Variants in ITSN2 observed in about 807,000 individuals in gnomAD.
ITSN2 encodes intersectin 2.
In ITSN2, 156 loss-of-function variants were observed where a neutral mutation model predicts 243.7. The ratio of observed to expected loss-of-function variants is 0.64; its 90% CI spans 0.56 to 0.73. The LOEUF (loss-of-function observed/expected upper bound fraction) is 0.73. Ranked by LOEUF, ITSN2 falls within the 30% of genes least tolerant of loss-of-function variation. ITSN2 has a pLI of 0.00. For synonymous variants in ITSN2, 703 were observed against 699.9 expected, an observed-to-expected ratio of 1.00 and a Z score of -0.07; for missense variants, 1,801 against 1,996.1, an observed-to-expected ratio of 0.90 and a Z score of 1.86.
chr2:24,208,269 G>C lies in ITSN2; in HGVS notation c.4646C>G (p.Thr1549Ser). ...AGCTTTCTCACGCTTCTTCTTCTCG[G>C]TGTCGATGTACTGCTCAGACGCCGC... The part of the protein sequence containing the change: ...IKAASEQYID[T>S]EKKKREKAYQ... The change falls in exon 37 of 40, where the codon ACC becomes AGC. Residue 1549 changes from threonine (T) to serine (S), a missense_variant. Physicochemically the swap from Thr to Ser is moderately conservative, Grantham distance 58. Transcript: ENST00000355123. 6.2e-7 allele frequency: 1 copy of C among 1,612,480 alleles called. No individual in the cohort carries two copies. The highest frequency in any genetic ancestry group is 8.5e-7 in the Non-Finnish European group (1 of 1,179,892).
At chr2:24,315,441 C>T (rs1224516521) in intron 2 of ITSN2, among the ~76,000 whole-genome samples, 2 of 152,182 alleles carry the variant, frequency 1.3e-5, no homozygotes, top group African/African-American at 2.4e-5. Flanking sequence ...CTATATCACA[C>T]TCACTGGAAA....
Position 24,284,842 on chromosome 2 carries a change from C to T in ITSN2, c.1865G>A (p.Cys622Tyr), listed in dbSNP as rs1446402051. 1 of 1,579,512 alleles carries T rather than the reference C, an allele frequency of 6.3e-7. No homozygotes were observed. The highest frequency in any genetic ancestry group is 1.4e-5 in the African/African-American group (1 of 73,944). ...EMDSFNNQLK[C>Y]GNMDDSVLQC... ...AAGAACAGAGTCATCCATATTCCCA[C>T]ACTGTAAGATAAGGCAGATAAAAAG... Residue 622 changes from cysteine (C) to tyrosine (Y), a missense_variant and splice_region_variant, in exon 17 of 40, where the codon TGT becomes TAT. Physicochemically the swap from Cys to Tyr is radical, Grantham distance 194. This residue lies in a region of ITSN2 where 787 missense variants were observed against 803.9 expected (regional missense o/e 0.98). Coordinates refer to ENST00000355123, the MANE Select transcript of ITSN2 (RefSeq NM_006277.3).
At chr2:24,214,673 T>A (rs1233199454) in intron 32 of ITSN2, among the ~76,000 whole-genome samples, 1 of 152,186 alleles carries the variant, frequency 6.6e-6, no homozygotes, top group African/African-American at 2.4e-5. Flanking sequence ...CAGTTACATT[T>A]TATTACCTCT....
intron 29 of ITSN2, among the ~76,000 whole-genome samples, chr2:24,223,606 A>T (rs1670681647): frequency 6.7e-6 from 1 of 150,084 alleles, no homozygotes. Context: ...GGACTGCTTG[A>T]GTCTGAGAGT....
intron 2 of ITSN2, among the ~76,000 whole-genome samples, chr2:24,320,382 G>A (rs1178225913): frequency 2.6e-4 from 39 of 150,862 alleles, no homozygotes; most frequent in Non-Finnish European, 4.9e-4. Context: ...AGCCGGGCGC[G>A]GTGGCGGGCG....
rs1286895631 is a variant in ITSN2 at position 24,204,735 on chromosome 2, C to T, written c.4763-317G>A. 1.9e-6 allele frequency: 1 copy of T among 528,676 alleles called. No individual in the cohort carries two copies. Among genetic ancestry groups the T allele is most frequent in the South Asian group, 1.5e-5 (1 of 65,218 alleles). The allele number at this position is 528,676 out of a possible 1,614,324, so 32.7% of individuals were successfully genotyped here. A position where few individuals can be genotyped will look rare whatever the true frequency, so the allele number is the denominator to read the frequency against. Reference sequence around the variant, plus strand: ...GCAGACACACTCGGGAAGGCGGGCACTGGCACTTACTGGGAAAACAGTGAT... The same window carrying T: ...GCAGACACACTCGGGAAGGCGGGCATTGGCACTTACTGGGAAAACAGTGAT... On this transcript the variant is annotated intron_variant, in intron 38 of 39. Coordinates refer to ENST00000355123, the MANE Select transcript of ITSN2 (RefSeq NM_006277.3). This position sits in a 1 kb window ranked among gnomAD's most constrained non-coding sequence, Gnocchi z 5.1.
At chr2:24,228,433 G>A (rs905850712) in intron 29 of ITSN2, among the ~76,000 whole-genome samples, 2 of 152,200 alleles carry the variant, frequency 1.3e-5, no homozygotes, top group African/African-American at 4.8e-5. Flanking sequence ...AAATGTGTAA[G>A]AAATCAAAAT....
intron 1 of ITSN2, among the ~76,000 whole-genome samples, chr2:24,355,921 G>T (rs897239641): frequency 1.1e-4 from 16 of 151,922 alleles, no homozygotes; most frequent in African/African-American, 3.9e-4. Context: ...ATTACAAAAA[G>T]GCCAGGCATA....
intron 1 of ITSN2, among the ~76,000 whole-genome samples, chr2:24,348,341 AT>A (rs1395462539): frequency 1.3e-5 from 2 of 151,706 alleles, no homozygotes; most frequent in Non-Finnish European, 2.9e-5. Context: ...TGCCCAACTA[AT>A]TTTTTGTACT....
intron 34 of ITSN2, 87 bp downstream of exon 34, chr2:24,210,693 C>G: frequency 1.5e-6 from 2 of 1,294,494 alleles, no homozygotes; most frequent in South Asian, 2.7e-5. Context: ...GCCTAAGGTG[C>G]AGACTGTCCA....
In ITSN2 at chr2:24,210,958, G is replaced by A. The variant is rs758802831; in HGVS notation, c.4090-11C>T. On this transcript the variant is annotated splice_polypyrimidine_tract_variant and intron_variant, in intron 33 of 39. Coordinates refer to ENST00000355123, the MANE Select transcript of ITSN2 (RefSeq NM_006277.3). ...GGTGTTCTCCAGAATCTGGAAAAGAGTGGGCAGTGTCACATGGGGGAGCTG... is the reference window on the plus strand; with the variant it reads ...GGTGTTCTCCAGAATCTGGAAAAGAATGGGCAGTGTCACATGGGGGAGCTG... 33 of 1,613,546 alleles carry A rather than the reference G, an allele frequency of 2.0e-5. No individual in the cohort carries two copies. The Admixed American group carries it at 5.3e-4, about 26-fold the overall frequency.
chr2:24,271,668 T>C, intron 19 of ITSN2, 98 bp downstream of exon 19: 1 of 1,395,152 alleles, frequency 7.2e-7, no homozygotes, highest in African/African-American at 1.5e-5. Flanking sequence ...ACTCTACAAT[T>C]AGTATCTTTC....
At position 24,260,388 on chromosome 2, in the gene ITSN2, C is replaced by T. The variant is rs537018477; in HGVS notation, c.2682+718G>A. Among the ~76,000 whole-genome samples the T allele has an allele frequency of 2.0e-5, 3 of 150,762 alleles. No homozygotes were observed. In the South Asian group the frequency reaches 6.3e-4, roughly 32 times the overall value. ...TTAAAAAAATAATGTTAATGTAACC[C>T]TATTGCAATAGTTATATCTAAATCA... On this transcript the variant is annotated intron_variant, in intron 22 of 39. Transcript: ENST00000355123.
chr2:24,325,387 G>C (rs1438908530), intron 2 of ITSN2, among the ~76,000 whole-genome samples: 1 of 152,044 alleles, frequency 6.6e-6, no homozygotes, highest in Non-Finnish European at 1.5e-5. Context: ...TCCAACCTGG[G>C]CAACAGAGTG....
chr2:24,344,404 T>C (rs1179315799), intron 1 of ITSN2, among the ~76,000 whole-genome samples: 1 of 152,196 alleles, frequency 6.6e-6, no homozygotes, highest in Non-Finnish European at 1.5e-5. Context: ...AACATACTTG[T>C]TTCTGTATAA....
intron 30 of ITSN2, among the ~76,000 whole-genome samples, chr2:24,219,396 T>G (rs1254304334): frequency 6.6e-6 from 1 of 152,218 alleles, no homozygotes; most frequent in East Asian, 1.9e-4. Flanking sequence ...CAAATCAGAC[T>G]GAAGACACTA....
rs1395048655 is a variant in ITSN2, at chr2:24,287,232, A to G, written c.1724-881T>C. 2.0e-5 allele frequency among the ~76,000 whole-genome samples: 3 copies of G among 152,258 alleles called. No homozygotes were observed. The East Asian group carries it at 5.8e-4, about 29-fold the overall frequency. ...TAAGATATCTTATCAATCAGGACAA[A>G]CAGATCTAGTTCATTCTTTTAAATT... is the stretch of plus-strand genomic sequence containing the variant. On this transcript the variant is annotated intron_variant, in intron 15 of 39. Transcript: ENST00000355123.
At chr2:24,332,317 G>A (rs1011268501) in intron 1 of ITSN2, among the ~76,000 whole-genome samples, 5 of 151,934 alleles carry the variant, frequency 3.3e-5, no homozygotes, top group Admixed American at 1.3e-4. Flanking sequence ...GATTGTTTAC[G>A]GAAAGTATCT....
At chr2:24,281,767 A>G (rs1054085234) in intron 17 of ITSN2, among the ~76,000 whole-genome samples, 26 of 152,186 alleles carry the variant, frequency 1.7e-4, no homozygotes, top group African/African-American at 6.0e-4. Flanking sequence ...CTAATCTTCC[A>G]TCCATTCTCC....
Sources: allele counts gnomAD v4.1 joint callset (sites outside exome capture counted in the v4.1 genomes callset), GRCh38; gene constraint gnomAD v4.1.1; regional missense constraint gnomAD v4.1.1; non-coding constraint Gnocchi (gnomAD v3.1); transcripts MANE v1.5; gene names NCBI Gene and HGNC (gene_info 2026-07-23, HGNC 2026-07-21).